The following CMIP variants were observed in gnomAD, a reference collection of about 807,000 sequenced individuals.
The protein encoded by CMIP is C-Maf-inducing protein.
A neutral mutation model predicts 97.3 loss-of-function variants in CMIP; 13 were observed. The observed-to-expected ratio is 0.13, with a 90% CI of 0.09 to 0.21. CMIP has a LOEUF of 0.21. Ranked by LOEUF, CMIP falls within the 10% of genes least tolerant of loss-of-function variation. The pLI is 1.00. For synonymous variants in CMIP, 538 were observed against 436.3 expected, an observed-to-expected ratio of 1.23 and a Z score of -2.91; for missense variants, 847 against 1,024.9, an observed-to-expected ratio of 0.83 and a Z score of 2.37.
chr16:81,593,126 A>G (rs1449984190), intron 1 of CMIP, among the ~76,000 whole-genome samples: 1 of 152,090 alleles, frequency 6.6e-6, no homozygotes, highest in Non-Finnish European at 1.5e-5. Context: ...GGTGGCTGCC[A>G]TAGCTGGTTT....
At position 81,616,839 on chromosome 16, in the gene CMIP, A is replaced by C; in HGVS notation, c.427-4037A>C. On this transcript the variant is annotated intron_variant, in intron 2 of 20. Transcript: ENST00000537098. The surrounding 1 kb of genome is among the most constrained non-coding windows in gnomAD (Gnocchi z 4.7). The stretch of plus-strand genomic sequence containing the variant: ...CTGAAGAAATCCGTCCCAGGCCTTT[A>C]GACATCAAGTGCTGCTGTGAGAGGC... Among the ~76,000 whole-genome samples, 1 of 152,222 alleles carries C rather than the reference A, an allele frequency of 6.6e-6. No individual in the cohort carries two copies. Among genetic ancestry groups the C allele is most frequent in the Non-Finnish European group, 1.5e-5 (1 of 68,034 alleles).
At chr16:81,533,601 C>G (rs149865379) in intron 1 of CMIP, among the ~76,000 whole-genome samples, 1 of 152,134 alleles carries the variant, frequency 6.6e-6, no homozygotes. Flanking sequence ...GTCTCAGCCT[C>G]CAGAGTAGCT....
chr16:81,470,533 T>A (rs1177493767), intron 1 of CMIP, among the ~76,000 whole-genome samples: 1 of 152,240 alleles, frequency 6.6e-6, no homozygotes, highest in Admixed American at 6.5e-5. Flanking sequence ...GAGCAGGCGC[T>A]GCTGACAGGC....
intron 1 of CMIP, among the ~76,000 whole-genome samples, chr16:81,531,457 C>G (rs376950256): frequency 3.3e-5 from 5 of 152,326 alleles, no homozygotes; most frequent in African/African-American, 1.2e-4. Context: ...TCAGGAGGCC[C>G]TTGGGACATC....
intron 1 of CMIP, among the ~76,000 whole-genome samples, chr16:81,487,351 C>T (rs1227587131): frequency 2.0e-5 from 3 of 152,196 alleles, no homozygotes; most frequent in African/African-American, 4.8e-5. Context: ...GAGGAACCCG[C>T]TTCAAACCTG....
intron 2 of CMIP, 75 bp downstream of exon 2, chr16:81,607,767 A>T: frequency 1.3e-6 from 2 of 1,509,076 alleles, no homozygotes; most frequent in East Asian, 2.3e-5. Flanking sequence ...TTTCCCTTGG[A>T]GGGAGCCAGC....
chr16:81,495,361 G>C, intron 1 of CMIP: 1 of 1,490,140 alleles, frequency 6.7e-7, no homozygotes, highest in Non-Finnish European at 9.0e-7. Flanking sequence ...CTTCTTGGAT[G>C]GGCTGGGCGT....
chr16:81,538,285 A>G (rs2090384592), intron 1 of CMIP, among the ~76,000 whole-genome samples: 1 of 152,196 alleles, frequency 6.6e-6, no homozygotes, highest in Admixed American at 6.5e-5. Flanking sequence ...AAGTAGAGAC[A>G]CTTAAGACAT....
chr16:81,575,411 C>A (rs767293055), intron 1 of CMIP, among the ~76,000 whole-genome samples: 3 of 152,196 alleles, frequency 2.0e-5, no homozygotes, highest in Non-Finnish European at 4.4e-5. Context: ...CCTTTTCTAG[C>A]AGGCTCAGAG....
chr16:81,657,842 TCC>T, intron 5 of CMIP, 26 bp downstream of exon 5: 1 of 1,581,944 alleles, frequency 6.3e-7, no homozygotes, highest in Non-Finnish European at 8.6e-7. Context: ...ACACGCTCCC[TCC>T]ACCCACCTCC....
chr16:81,603,459 T>G (rs775817089), intron 1 of CMIP: 28 of 454,364 alleles, frequency 6.2e-5, no homozygotes, highest in Non-Finnish European at 1.1e-4. Flanking sequence ...TACCCCAGAG[T>G]TCTCACACAT....
At chr16:81,640,276 A>G (rs2092287488) in intron 3 of CMIP, among the ~76,000 whole-genome samples, 1 of 140,248 alleles carries the variant, frequency 7.1e-6, no homozygotes, top group Admixed American at 7.6e-5. Flanking sequence ...AGAGCAGGAT[A>G]GGACATCAGG....
At chr16:81,507,069 G>A (rs1479501924) in intron 1 of CMIP, among the ~76,000 whole-genome samples, 1 of 152,050 alleles carries the variant, frequency 6.6e-6, no homozygotes, top group Non-Finnish European at 1.5e-5. Flanking sequence ...TGGCTAACAT[G>A]GTGAAACCTC....
chr16:81,584,853 G>A (rs764771770), intron 1 of CMIP, among the ~76,000 whole-genome samples: 8 of 152,228 alleles, frequency 5.3e-5, no homozygotes, highest in Non-Finnish European at 1.0e-4. Flanking sequence ...GGCTGTGGAT[G>A]AAGCCTGCTG....
At chr16:81,505,278 G>A (rs1010420277) in intron 1 of CMIP, among the ~76,000 whole-genome samples, 9 of 152,248 alleles carry the variant, frequency 5.9e-5, no homozygotes, top group Non-Finnish European at 1.2e-4. Flanking sequence ...GAAGAGGGAA[G>A]GGAAGTGGAA....
intron 1 of CMIP, among the ~76,000 whole-genome samples, chr16:81,504,775 C>G (rs979552699): frequency 1.3e-5 from 2 of 152,028 alleles, no homozygotes; most frequent in African/African-American, 4.8e-5. Flanking sequence ...ATCTGCAGAG[C>G]TTGTTACCAG....
chr16:81,675,881 C>T (rs1464680375), intron 9 of CMIP, among the ~76,000 whole-genome samples: 3 of 152,212 alleles, frequency 2.0e-5, no homozygotes, highest in East Asian at 1.9e-4. Context: ...TGAGACTCTG[C>T]TTGTCTAACA....
At chr16:81,620,273 C>T (rs2091975444) in intron 2 of CMIP, 1 of 152,566 alleles carries the variant, frequency 6.6e-6, no homozygotes, top group African/African-American at 2.4e-5. Context: ...TGCCGTTTAC[C>T]ATGATCTTCT....
At chr16:81,622,518 G>A (rs112405280) in intron 3 of CMIP, among the ~76,000 whole-genome samples, 14 of 152,220 alleles carry the variant, frequency 9.2e-5, no homozygotes, top group Admixed American at 2.6e-4. Flanking sequence ...TGGTCACGGG[G>A]GTACCACCTC....
Sources: allele counts gnomAD v4.1 joint callset (sites outside exome capture counted in the v4.1 genomes callset), GRCh38; gene constraint gnomAD v4.1.1; non-coding constraint Gnocchi (gnomAD v3.1); transcripts MANE v1.5; gene names NCBI Gene and HGNC (gene_info 2026-07-23, HGNC 2026-07-21).